Variants in OSBPL6 observed in about 807,000 individuals in gnomAD.
OSBPL6 encodes oxysterol-binding protein-related protein 6.
Under a neutral mutation model 125.8 loss-of-function variants are expected in OSBPL6, and 49 were observed. The observed-to-expected ratio is 0.39, with a 90% confidence interval of 0.31 to 0.49. The LOEUF (loss-of-function observed/expected upper bound fraction) is 0.49, where lower values mean the gene tolerates loss of function less well. Ranked by LOEUF, OSBPL6 falls within the 20% of genes least tolerant of loss-of-function variation. The pLI is 0.88. For synonymous variants in OSBPL6, 394 were observed against 391.8 expected (o/e 1.01, Z -0.07); for missense variants, 986 against 1,135.4 (o/e 0.87, Z 1.89).
At chr2:178,333,698 A>C (rs1689425098) in intron 8 of OSBPL6, among the ~76,000 whole-genome samples, 1 of 152,176 alleles carries the variant, frequency 6.6e-6, no homozygotes, top group Non-Finnish European at 1.5e-5. Context: ...GGATGGTAAT[A>C]AGAAAACCTC....
intron 20 of OSBPL6, among the ~76,000 whole-genome samples, chr2:178,388,454 C>G (rs573675799): frequency 6.6e-6 from 1 of 152,272 alleles, no homozygotes; most frequent in East Asian, 1.9e-4. Context: ...TCTGCCTCAT[C>G]ACACCTTTCC....
intron 1 of OSBPL6, among the ~76,000 whole-genome samples, chr2:178,272,730 C>T (rs2092396981): frequency 6.6e-6 from 1 of 152,252 alleles, no homozygotes; most frequent in African/African-American, 2.4e-5. Context: ...GGTACTTGTC[C>T]ATTTGGTTTA....
intron 1 of OSBPL6, among the ~76,000 whole-genome samples, chr2:178,271,059 G>A (rs1319986079): frequency 6.6e-6 from 1 of 152,090 alleles, no homozygotes; most frequent in Non-Finnish European, 1.5e-5. Flanking sequence ...TGTGCCCAAA[G>A]GAAGCTCTCA....
Position 178,222,560 on chromosome 2 carries a change from G to A in OSBPL6, c.-351+27886G>A, listed in dbSNP as rs187631331. ...TGGGAGGCTGAGGCAGGAGAATGGC[G>A]TGAACCCAGGAGGCGGAGCTTGCAG... On this transcript the variant is annotated intron_variant, in intron 1 of 24. Transcript: ENST00000190611. Among the ~76,000 whole-genome samples the A allele has an allele frequency of 1.4e-3, 206 of 152,220 alleles. 2 individuals are homozygous for A. Among genetic ancestry groups the A allele is most frequent in the African/African-American group, 4.4e-3 (184 of 41,516 alleles).
chr2:178,361,875 G>A, intron 13 of OSBPL6, 60 bp downstream of exon 13: 1 of 1,591,486 alleles, frequency 6.3e-7, no homozygotes, highest in Non-Finnish European at 8.6e-7. Context: ...TAAGATGAAA[G>A]ATCAAAAGAT....
At chr2:178,294,657 T>C (rs961028459) in intron 2 of OSBPL6, among the ~76,000 whole-genome samples, 19 of 151,738 alleles carry the variant, frequency 1.3e-4, no homozygotes, top group African/African-American at 4.4e-4. Context: ...GATTAACCTA[T>C]CATAAAGTCG....
chr2:178,385,320 TA>T, intron 18 of OSBPL6, 137 bp from the exon 19 acceptor site: 1 of 623,404 alleles, frequency 1.6e-6, no homozygotes, highest in Non-Finnish European at 2.8e-6. Context: ...CTCTAAATTG[TA>T]TAAGTTCTCA....
chr2:178,301,775 G>C (rs1686313615), intron 2 of OSBPL6, among the ~76,000 whole-genome samples: 1 of 152,150 alleles, frequency 6.6e-6, no homozygotes, highest in South Asian at 2.1e-4. Context: ...ACCATCCCAT[G>C]GTTCTGCAAT....
intron 1 of OSBPL6, among the ~76,000 whole-genome samples, chr2:178,225,003 T>TTCTC (rs10679680): frequency 0.097 from 14,392 of 148,468 alleles, 704 homozygotes; most frequent in Middle Eastern, 0.17. Flanking sequence ...CTCTCTCTCT[T>TTCTC]TCTCTCTCTC....
chr2:178,304,937 T>G (rs1686628138), intron 2 of OSBPL6, among the ~76,000 whole-genome samples: 1 of 152,192 alleles, frequency 6.6e-6, no homozygotes, highest in African/African-American at 2.4e-5. Context: ...AGTCACTGTC[T>G]TCATAATGCC....
intron 3 of OSBPL6, chr2:178,320,402 G>A (rs570095583): frequency 2.1e-5 from 34 of 1,612,696 alleles, no homozygotes; most frequent in Admixed American, 3.3e-5. Context: ...ACAGAGGGCG[G>A]GTAAGTACTT....
intron 1 of OSBPL6, among the ~76,000 whole-genome samples, chr2:178,263,770 T>C (rs1317359324): frequency 6.6e-6 from 1 of 151,850 alleles, no homozygotes; most frequent in African/African-American, 2.4e-5. Flanking sequence ...TCATACCTCA[T>C]GTCTGAGGAC....
At chr2:178,393,899 C>T (rs773390302) in intron 23 of OSBPL6, among the ~76,000 whole-genome samples, 2 of 152,218 alleles carry the variant, frequency 1.3e-5, no homozygotes, top group Non-Finnish European at 1.5e-5. Flanking sequence ...CAGTTACCAT[C>T]CTCCATTCTA....
At chr2:178,215,626 C>A (rs983753339) in intron 1 of OSBPL6, among the ~76,000 whole-genome samples, 5 of 151,982 alleles carry the variant, frequency 3.3e-5, no homozygotes, top group Non-Finnish European at 7.4e-5. Flanking sequence ...GAAGCCCTCT[C>A]TCGGGGAGTG....
intron 1 of OSBPL6, among the ~76,000 whole-genome samples, chr2:178,206,755 C>T (rs1232737639): frequency 3.3e-5 from 5 of 152,120 alleles, no homozygotes; most frequent in African/African-American, 1.2e-4. Context: ...GCTGGGACTA[C>T]AGGCACCTGC....
chr2:178,366,717 C>T (rs374556056), intron 13 of OSBPL6, among the ~76,000 whole-genome samples: 17 of 152,274 alleles, frequency 1.1e-4, no homozygotes, highest in South Asian at 1.0e-3. Context: ...ATTTCACATA[C>T]CCAAATAATT....
intron 2 of OSBPL6, among the ~76,000 whole-genome samples, chr2:178,292,591 TC>T (rs1685386715): frequency 6.6e-6 from 1 of 152,184 alleles, no homozygotes; most frequent in African/African-American, 2.4e-5. Flanking sequence ...CATCATCCCC[TC>T]TATATCTCAA....
intron 12 of OSBPL6, among the ~76,000 whole-genome samples, chr2:178,353,513 T>C (rs999395559): frequency 6.6e-6 from 1 of 152,050 alleles, no homozygotes; most frequent in Admixed American, 6.6e-5. Flanking sequence ...GAATATCAAA[T>C]TAATGAAATA....
intron 1 of OSBPL6, among the ~76,000 whole-genome samples, chr2:178,236,681 T>C (rs912837426): frequency 1.3e-5 from 2 of 152,196 alleles, no homozygotes; most frequent in African/African-American, 4.8e-5. Flanking sequence ...ATGTATGATA[T>C]AGTCCAGGAT....
Sources: allele counts gnomAD v4.1 joint callset (sites outside exome capture counted in the v4.1 genomes callset), GRCh38; gene constraint gnomAD v4.1.1; transcripts MANE v1.5; gene names NCBI Gene and HGNC (gene_info 2026-07-23, HGNC 2026-07-21).